The following CAPN5 variants were observed in gnomAD, a reference collection of about 807,000 sequenced individuals.
CAPN5 encodes calpain-5.
CAPN5 carries 54 observed loss-of-function variants against 73.0 expected under a neutral mutation model. The ratio of observed to expected loss-of-function variants is 0.74; its 90% CI spans 0.59 to 0.93. CAPN5 has a LOEUF of 0.93. Ranked by LOEUF, CAPN5 falls within the 40% of genes least tolerant of loss-of-function variation. The pLI, the probability that CAPN5 is intolerant of heterozygous loss-of-function variation, is 0.00. For synonymous variants in CAPN5, 335 were observed against 356.9 expected, an observed-to-expected ratio of 0.94 and a Z score of 0.69; for missense variants, 785 against 882.9, an observed-to-expected ratio of 0.89 and a Z score of 1.41.
intron 3 of CAPN5, among the ~76,000 whole-genome samples, chr11:77,105,023 G>A (rs1950329060): frequency 6.6e-6 from 1 of 152,002 alleles, no homozygotes; most frequent in Non-Finnish European, 1.5e-5. Flanking sequence ...GCCATTGCCT[G>A]CCCTGCTGAG....
intron 2 of CAPN5, among the ~76,000 whole-genome samples, chr11:77,093,245 C>T (rs1206063526): frequency 6.6e-6 from 1 of 152,200 alleles, no homozygotes; most frequent in Admixed American, 6.5e-5. Context: ...CATGCCCGCA[C>T]CCCCACCCCA....
At chr11:77,115,616 A>C in intron 6 of CAPN5, 28 bp downstream of exon 6, 1 of 1,586,042 alleles carries the variant, frequency 6.3e-7, no homozygotes, top group Non-Finnish European at 8.6e-7. Context: ...GGGTGCAGGC[A>C]CAGGGCATGA....
intron 2 of CAPN5, among the ~76,000 whole-genome samples, chr11:77,089,604 T>A (rs1260019741): frequency 2.0e-5 from 3 of 152,008 alleles, no homozygotes; most frequent in Non-Finnish European, 2.9e-5. Flanking sequence ...CTAAGCTGGG[T>A]TAGGACAGGT....
Position 77,084,974 on chromosome 11 carries a change from C to T in CAPN5, c.88C>T (p.Pro30Ser). The stretch of plus-strand genomic sequence containing the variant: ...GCGCAGGAAGGTGCTCTTCGAGGAC[C>T]CCCTCTTCCCCGCCACTGACGACTC... ...CRRRKVLFED[P>S]LFPATDDSLY... The change falls in exon 2 of 13, where the codon CCC becomes TCC. Residue 30 changes from proline (P) to serine (S), a missense_variant. Pro to Ser is a moderately conservative substitution (Grantham distance 74). Coordinates refer to ENST00000648180, the MANE Select transcript of CAPN5 (RefSeq NM_004055.5). 1 of 1,613,624 alleles carries T rather than the reference C, an allele frequency of 6.2e-7. No individual in the cohort carries two copies. The highest frequency in any genetic ancestry group is 8.5e-7 in the Non-Finnish European group (1 of 1,180,002).
In CAPN5 at chr11:77,093,776, G is replaced by A. The variant is rs1555037034; in HGVS notation, c.260G>A (p.Cys87Tyr). 6.2e-7 allele frequency: 1 copy of A among 1,612,068 alleles called. No individual in the cohort carries two copies. The highest frequency in any genetic ancestry group is 2.2e-5 in the East Asian group (1 of 44,884). ...QVGNCWFVAACSSLASRESLW... is the reference protein window; with the variant it reads ...QVGNCWFVAAYSSLASRESLW... Reference sequence around the variant, plus strand: ...GGCAACTGCTGGTTTGTGGCAGCCTGCTCGTCACTTGCCTCCCGGGAGTCG... The same window carrying A: ...GGCAACTGCTGGTTTGTGGCAGCCTACTCGTCACTTGCCTCCCGGGAGTCG... Residue 87 changes from cysteine to tyrosine, a missense_variant, in exon 3 of 13, where the codon TGC becomes TAC. Physicochemically the swap from Cys to Tyr is radical, Grantham distance 194 (BLOSUM62 -2). Transcript: ENST00000648180.
At chr11:77,081,534 G>A (rs782222562) in intron 1 of CAPN5, among the ~76,000 whole-genome samples, 1 of 152,248 alleles carries the variant, frequency 6.6e-6, no homozygotes, top group Non-Finnish European at 1.5e-5. Context: ...TCAGGGCACA[G>A]AGCATGAAAG....
intron 3 of CAPN5, among the ~76,000 whole-genome samples, chr11:77,096,748 C>T (rs915436839): frequency 5.3e-5 from 8 of 152,260 alleles, no homozygotes; most frequent in East Asian, 3.8e-4. Flanking sequence ...AGGGGCAGAC[C>T]TGATGCCTGC....
chr11:77,105,516 G>A (rs1056913245), intron 3 of CAPN5, among the ~76,000 whole-genome samples: 2 of 152,220 alleles, frequency 1.3e-5, no homozygotes, highest in Admixed American at 6.5e-5. Context: ...GTGCAATCTC[G>A]AGTCTCCCTG....
intron 3 of CAPN5, among the ~76,000 whole-genome samples, chr11:77,095,567 T>G (rs1950199681): frequency 6.6e-6 from 1 of 152,146 alleles, no homozygotes; most frequent in Non-Finnish European, 1.5e-5. Context: ...CCTTTCCAAA[T>G]TGTTGGACTC....
chr11:77,097,397 A>C (rs1340602582), intron 3 of CAPN5, among the ~76,000 whole-genome samples: 1 of 151,734 alleles, frequency 6.6e-6, no homozygotes, highest in Admixed American at 6.6e-5. Flanking sequence ...AAGGATGTAC[A>C]AAGTCACTTA....
At position 77,125,889 on chromosome 11, in the gene CAPN5, G is replaced by A. The variant is rs1201636364; in HGVS notation, c.*2019G>A. The A allele has an allele frequency of 6.6e-6, 1 of 152,452 alleles. No individual in the cohort carries two copies. Among genetic ancestry groups the A allele is most frequent in the Non-Finnish European group, 1.5e-5 (1 of 68,050 alleles). The allele number at this position is 152,452 out of a possible 1,614,324, so 9.4% of individuals were successfully genotyped here. On this transcript the variant is annotated 3_prime_UTR_variant, in exon 13 of 13. Transcript: ENST00000648180. ...CCCTTGCTTCCTGCCCCTTGAGGTG[G>A]GCCAGGCTGGCTCCTGGCTATGCAG...
chr11:77,106,505 G>A (rs1555039907), intron 3 of CAPN5, among the ~76,000 whole-genome samples: 4 of 151,958 alleles, frequency 2.6e-5, no homozygotes, highest in South Asian at 2.1e-4. Context: ...GGCAGCTAGT[G>A]TGGTGAGCGA....
intron 1 of CAPN5, chr11:77,071,633 G>A (rs782763716): frequency 2.9e-5 from 13 of 454,352 alleles, no homozygotes; most frequent in South Asian, 1.9e-4. Flanking sequence ...AGCACAAAGA[G>A]GTTAACTGCT....
chr11:77,105,107 C>T (rs1185997964), intron 3 of CAPN5, among the ~76,000 whole-genome samples: 1 of 151,712 alleles, frequency 6.6e-6, no homozygotes, highest in African/African-American at 2.4e-5. Flanking sequence ...TCTGGGGACC[C>T]TCTTAGTCCC....
intron 1 of CAPN5, among the ~76,000 whole-genome samples, chr11:77,072,415 G>A (rs12270821): frequency 0.12 from 18,182 of 152,188 alleles, 1,856 homozygotes; most frequent in African/African-American, 0.28. Flanking sequence ...TGACCTCTAG[G>A]GCAGATTCCC....
intron 2 of CAPN5, among the ~76,000 whole-genome samples, chr11:77,087,056 C>T (rs1274856771): frequency 6.0e-5 from 9 of 150,990 alleles, no homozygotes; most frequent in African/African-American, 2.2e-4. Context: ...TGACAGAGAG[C>T]GTATGGTGGC....
Position 77,093,734 on chromosome 11 carries a change from T to A in CAPN5, c.218T>A (p.Leu73Gln). Residue 73 changes from leucine to glutamine, a missense_variant, in exon 3 of 13, where the codon CTG becomes CAG. Transcript: ENST00000648180. ...LFVDGISSHD[L>Q]HQGQVGNCWF... ...GTGGATGGCATCAGCTCCCACGACC[T>A]GCACCAGGGCCAGGTGGGCAACTGC... is the stretch of plus-strand genomic sequence containing the variant. 1 of 1,611,788 alleles carries A rather than the reference T, an allele frequency of 6.2e-7. No homozygotes were observed. Among genetic ancestry groups the A allele is most frequent in the Non-Finnish European group, 8.5e-7 (1 of 1,179,780 alleles).
rs1228294741 is a variant in CAPN5, at chr11:77,125,494, C to T, written c.*1624C>T. The T allele has an allele frequency of 1.3e-5, 2 of 152,184 alleles. No homozygotes were observed. Among genetic ancestry groups the T allele is most frequent in the African/African-American group, 4.8e-5 (2 of 41,396 alleles). 9.4% of individuals were successfully genotyped at this position (152,184 alleles called of 1,614,324 possible). ...CAAGTCACTTAAACCTCCTGTGCCT[C>T]GATTTCCCCCTTCTACAAAGTGGGG... is the stretch of plus-strand genomic sequence containing the variant. On this transcript the variant is annotated 3_prime_UTR_variant, in exon 13 of 13. Coordinates refer to ENST00000648180, the MANE Select transcript of CAPN5 (RefSeq NM_004055.5).
At chr11:77,096,683 T>C (rs1332009821) in intron 3 of CAPN5, among the ~76,000 whole-genome samples, 2 of 152,254 alleles carry the variant, frequency 1.3e-5, no homozygotes, top group Non-Finnish European at 2.9e-5. Context: ...GGTCCTGGCC[T>C]GGCCTAAGCC....
Sources: allele counts gnomAD v4.1 joint callset (sites outside exome capture counted in the v4.1 genomes callset), GRCh38; gene constraint gnomAD v4.1.1; transcripts MANE v1.5; gene names NCBI Gene and HGNC (gene_info 2026-07-23, HGNC 2026-07-21).